TEKT5: variants seen among roughly 807,000 people sequenced by gnomAD.
The protein encoded by TEKT5 is tektin-5.
TEKT5 carries 52 observed loss-of-function variants against 48.7 expected under a neutral mutation model. The ratio of observed to expected loss-of-function variants is 1.07; its 90% CI spans 0.86 to 1.35. The LOEUF (loss-of-function observed/expected upper bound fraction) is 1.35, where lower values mean the gene tolerates loss of function less well. Among genes scored for constraint, TEKT5 ranks in the 40% most tolerant of loss-of-function variants. The pLI, the probability that TEKT5 is intolerant of heterozygous loss-of-function variation, is 0.00. For missense variants in TEKT5, 831 were observed against 641.6 expected, an observed-to-expected ratio of 1.30 and a Z score of -3.19; for synonymous variants, 318 against 267.6, an observed-to-expected ratio of 1.19 and a Z score of -1.84.
intron 3 of TEKT5, among the ~76,000 whole-genome samples, chr16:10,683,868 T>C (rs925048918): frequency 3.3e-5 from 5 of 152,218 alleles, no homozygotes; most frequent in Admixed American, 6.5e-5. Flanking sequence ...GCTGGGATTA[T>C]AGGCATAAGC....
chr16:10,636,215 A>G (rs1897911496), intron 5 of TEKT5, among the ~76,000 whole-genome samples: 1 of 152,064 alleles, frequency 6.6e-6, no homozygotes, highest in Non-Finnish European at 1.5e-5. Flanking sequence ...TCTCTACTAA[A>G]AAAACAAAAA....
chr16:10,688,406 G>A (rs1898902374), intron 3 of TEKT5, among the ~76,000 whole-genome samples: 2 of 152,230 alleles, frequency 1.3e-5, no homozygotes, highest in Non-Finnish European at 2.9e-5. Flanking sequence ...ACCAAGATAT[G>A]TGCTCCCAGG....
intron 1 of TEKT5, chr16:10,690,247 C>A (rs1048066439): frequency 1.8e-6 from 1 of 548,876 alleles, no homozygotes; most frequent in African/African-American, 1.9e-5. Context: ...AGATGCAAGG[C>A]CCATGTAGAG....
At chr16:10,649,845 G>A (rs1021489025) in intron 5 of TEKT5, among the ~76,000 whole-genome samples, 3 of 152,288 alleles carry the variant, frequency 2.0e-5, no homozygotes, top group East Asian at 1.9e-4. Flanking sequence ...TCCTGCGCTT[G>A]GTACGTAGAT....
At chr16:10,689,830 C>T (rs1003753929) in intron 2 of TEKT5, 112 bp downstream of exon 2, 2 of 1,042,690 alleles carry the variant, frequency 1.9e-6, no homozygotes, top group Non-Finnish European at 2.8e-6. Flanking sequence ...CCTCACTTTC[C>T]ACACAGTGAC....
chr16:10,636,038 C>T, intron 5 of TEKT5, 120 bp from the exon 6 acceptor site: 3 of 1,456,878 alleles, frequency 2.1e-6, no homozygotes, highest in Non-Finnish European at 2.8e-6. Flanking sequence ...GATACTCCTT[C>T]CCCGGCCTTG....
chr16:10,681,377 GTCTCTCTCTC>G (rs59484637), intron 4 of TEKT5, among the ~76,000 whole-genome samples: 4 of 38,780 alleles, frequency 1.0e-4, no homozygotes, highest in Non-Finnish European at 2.0e-4. Context: ...TCCACTCTCT[GTCTCTCTCTC>G]TCTCTCTCTC....
rs922423892 is a variant in TEKT5 at position 10,694,610 on chromosome 16, G to T, written c.264C>A (p.Arg88=). ...ACTGGTCCCAGTCGTGGGGGCTATA[G>T]CGAGAGAAGAGTGCGGAGCGCAGTG... ...LPTLRSALFS[R]YSPHDWDQSN... The change falls in exon 1 of 7, where the codon CGC becomes CGA. Residue 88 remains arginine, a synonymous_variant. Transcript: ENST00000283025. The T allele has an allele frequency of 2.5e-6, 4 of 1,611,110 alleles. No homozygotes were observed. In the East Asian group the frequency reaches 8.9e-5, roughly 36 times the overall value.
chr16:10,686,086 T>C (rs1436078800), intron 3 of TEKT5, among the ~76,000 whole-genome samples: 1 of 151,982 alleles, frequency 6.6e-6, no homozygotes, highest in African/African-American at 2.4e-5. Context: ...AAATAGAAGA[T>C]CACAAAAATA....
intron 5 of TEKT5, among the ~76,000 whole-genome samples, chr16:10,645,629 C>T (rs971689352): frequency 6.6e-6 from 1 of 152,028 alleles, no homozygotes; most frequent in East Asian, 1.9e-4. Context: ...ATGGTAAAAT[C>T]CCATCTCTGC....
At chr16:10,683,039 A>T (rs1482401495) in intron 3 of TEKT5, among the ~76,000 whole-genome samples, 1 of 152,228 alleles carries the variant, frequency 6.6e-6, no homozygotes, top group Non-Finnish European at 1.5e-5. Context: ...GTATATATGT[A>T]CAGAACAGAA....
chr16:10,689,229 A>AT, intron 3 of TEKT5, 24 bp downstream of exon 3: 2 of 1,566,666 alleles, frequency 1.3e-6, no homozygotes, highest in East Asian at 2.2e-5. Flanking sequence ...AGGAGAGGGA[A>AT]TTAAAAAAAA....
rs756990085 is a variant in TEKT5, at chr16:10,694,750, G to C, written c.124C>G (p.Pro42Ala). The change falls in exon 1 of 7, where the codon CCC becomes GCC. Residue 42 changes from proline (P) to alanine (A), a missense_variant. By Grantham distance (27) the Pro-to-Ala change is conservative. Transcript: ENST00000283025. Reference sequence around the variant, plus strand: ...CATGAATTGAGGTAGCGGTACCCGGGCAGGTAGTAGGGCTGATAGCATTCC... The same window carrying C: ...CATGAATTGAGGTAGCGGTACCCGGCCAGGTAGTAGGGCTGATAGCATTCC... ...IQECYQPYYL[P>A]GYRYLNSWRP... 96 of 1,614,044 alleles carry C rather than the reference G, an allele frequency of 5.9e-5. No individual in the cohort carries two copies. The highest frequency in any genetic ancestry group is 2.5e-6 in the Non-Finnish European group (3 of 1,180,008).
intron 3 of TEKT5, among the ~76,000 whole-genome samples, chr16:10,685,155 T>C (rs78510285): frequency 0.024 from 3,628 of 152,244 alleles, 130 homozygotes; most frequent in African/African-American, 0.083. Flanking sequence ...GCCTCCAGTC[T>C]CCACAAAGTG....
chr16:10,636,022 A>C (rs1037537661), intron 5 of TEKT5, 104 bp from the exon 6 acceptor site: 1 of 1,502,564 alleles, frequency 6.7e-7, no homozygotes, highest in Non-Finnish European at 8.9e-7. Context: ...CCAGCCAGGC[A>C]CTTAAGATAC....
At chr16:10,643,108 T>C (rs1030024171) in intron 5 of TEKT5, among the ~76,000 whole-genome samples, 3 of 152,148 alleles carry the variant, frequency 2.0e-5, no homozygotes, top group African/African-American at 7.2e-5. Flanking sequence ...AGGCTGGGCA[T>C]GGTGGCTCAT....
Position 10,681,842 on chromosome 16 carries a change from A to G in TEKT5, c.863+151T>C, listed in dbSNP as rs561437286. The G allele has an allele frequency of 3.7e-6, 4 of 1,076,390 alleles. No individual in the cohort carries two copies. The African/African-American group carries it at 6.3e-5, about 17-fold the overall frequency. The allele number at this position is 1,076,390 out of a possible 1,614,324, so 66.7% of individuals were successfully genotyped here. A position where few individuals can be genotyped will look rare whatever the true frequency, so the allele number is the denominator to read the frequency against. ...CTTGTCTTAAGCTAACCCGACTTGG[A>G]TTCTGCCGCCTGCGCTAGAGGATCC... On this transcript the variant is annotated intron_variant, in intron 4 of 6. Transcript: ENST00000283025.
At chr16:10,668,940 G>T (rs565271146) in intron 5 of TEKT5, among the ~76,000 whole-genome samples, 1 of 152,268 alleles carries the variant, frequency 6.6e-6, no homozygotes, top group African/African-American at 2.4e-5. Flanking sequence ...CCCAAAGAGA[G>T]GCAGCAGCCA....
At chr16:10,667,769 A>G (rs1331908124) in intron 5 of TEKT5, among the ~76,000 whole-genome samples, 2 of 152,220 alleles carry the variant, frequency 1.3e-5, no homozygotes, top group Non-Finnish European at 1.5e-5. Flanking sequence ...GCTTTAACAT[A>G]TGTATTTGAA....
Sources: gnomAD v4.1 joint callset for allele counts (sites outside exome capture counted in the v4.1 genomes callset) on GRCh38, gnomAD v4.1.1 for gene constraint, MANE v1.5 for transcripts, NCBI Gene and HGNC (gene_info 2026-07-23, HGNC 2026-07-21) for gene names.